The following NALF1 variants were observed in gnomAD, a reference collection of about 807,000 sequenced individuals.
NALF1 encodes the protein NALCN channel auxiliary factor 1, also known as family with sequence similarity 155 member A.
A neutral mutation model predicts 48.4 loss-of-function variants in NALF1; 3 were observed. The ratio of observed to expected loss-of-function variants is 0.06; its 90% confidence interval spans 0.03 to 0.16. The LOEUF is 0.16. Ranked by LOEUF, NALF1 falls within the 10% of genes least tolerant of loss-of-function variation. NALF1 has a pLI of 1.00. For missense variants in NALF1, 526 were observed against 571.5 expected (o/e 0.92, Z 0.81); for synonymous variants, 262 against 245.7 (o/e 1.07, Z -0.62).
chr13:107,793,626 A>G (rs561671331), intron 1 of NALF1, among the ~76,000 whole-genome samples: 1 of 152,284 alleles, frequency 6.6e-6, no homozygotes, highest in South Asian at 2.1e-4. Context: ...TTTAATATTA[A>G]TATTTCTTTT....
At position 107,549,478 on chromosome 13, in the gene NALF1, A is replaced by T. The variant is rs112729166; in HGVS notation, c.915+316204T>A. The stretch of plus-strand genomic sequence containing the variant: ...AATTCAGCTCTGAGAACTACATACA[A>T]ATTTCAGTCTTTAATTTTGAAGACA... On this transcript the variant is annotated intron_variant, in intron 1 of 2. Transcript: ENST00000375915. 2.6e-3 allele frequency among the ~76,000 whole-genome samples: 394 copies of T among 152,280 alleles called. 3 individuals carry two copies. The highest frequency in any genetic ancestry group is 3.5e-3 in the Admixed American group (54 of 15,284).
intron 1 of NALF1, among the ~76,000 whole-genome samples, chr13:107,519,000 G>T (rs1457101481): frequency 6.6e-6 from 1 of 152,160 alleles, no homozygotes; most frequent in African/African-American, 2.4e-5. Context: ...ACAGGGAAAT[G>T]GCGCAACACT....
At chr13:107,301,092 T>C (rs1165665319) in intron 1 of NALF1, among the ~76,000 whole-genome samples, 1 of 152,202 alleles carries the variant, frequency 6.6e-6, no homozygotes, top group Admixed American at 6.5e-5. Flanking sequence ...TATGTTGTAT[T>C]GTAAATTATG....
chr13:107,793,676 A>G (rs1332866879), intron 1 of NALF1, among the ~76,000 whole-genome samples: 2 of 152,170 alleles, frequency 1.3e-5, no homozygotes, highest in Non-Finnish European at 2.9e-5. Context: ...AACATGTCAT[A>G]AGTTTGAGTC....
At chr13:107,756,774 C>T (rs939343974) in intron 1 of NALF1, among the ~76,000 whole-genome samples, 8 of 152,040 alleles carry the variant, frequency 5.3e-5, no homozygotes, top group African/African-American at 1.4e-4. Flanking sequence ...AATTAACCCT[C>T]GGAACCAGGA....
intron 1 of NALF1, among the ~76,000 whole-genome samples, chr13:107,262,641 G>C (rs1880951300): frequency 6.6e-6 from 1 of 152,092 alleles, no homozygotes; most frequent in Non-Finnish European, 1.5e-5. Flanking sequence ...CTTATGATAA[G>C]AATAAGCACT....
chr13:107,171,517 C>T (rs77141053), intron 2 of NALF1, among the ~76,000 whole-genome samples: 2,451 of 152,250 alleles, frequency 0.016, 52 homozygotes, highest in African/African-American at 0.055. Context: ...TGTCTCTCTC[C>T]GCTTCTCTTG....
At chr13:107,540,021 G>A (rs1374006381) in intron 1 of NALF1, among the ~76,000 whole-genome samples, 4 of 145,098 alleles carry the variant, frequency 2.8e-5, no homozygotes, top group African/African-American at 1.0e-4. Context: ...AGAGGAAAAC[G>A]ACAATAGATA....
At chr13:107,309,108 C>A (rs1881996148) in intron 1 of NALF1, among the ~76,000 whole-genome samples, 1 of 152,170 alleles carries the variant, frequency 6.6e-6, no homozygotes, top group African/African-American at 2.4e-5. Flanking sequence ...ATGAAGCAGG[C>A]AGCTCATTAA....
At chr13:107,591,102 T>A (rs1295222782) in intron 1 of NALF1, among the ~76,000 whole-genome samples, 1 of 151,966 alleles carries the variant, frequency 6.6e-6, no homozygotes, top group African/African-American at 2.4e-5. Flanking sequence ...AAATGCCTAA[T>A]GGAAGTAATA....
At chr13:107,224,027 T>C (rs1880049077) in intron 1 of NALF1, among the ~76,000 whole-genome samples, 1 of 152,210 alleles carries the variant, frequency 6.6e-6, no homozygotes, top group Non-Finnish European at 1.5e-5. Flanking sequence ...GATTAATTAA[T>C]TAATTATTGA....
chr13:107,637,999 G>A (rs1374789192), intron 1 of NALF1, among the ~76,000 whole-genome samples: 1 of 151,540 alleles, frequency 6.6e-6, no homozygotes, highest in Non-Finnish European at 1.5e-5. Context: ...AACAGATTTG[G>A]TTTTAACAAC....
intron 1 of NALF1, among the ~76,000 whole-genome samples, chr13:107,675,175 A>G (rs748509600): frequency 1.7e-4 from 26 of 152,210 alleles, no homozygotes; most frequent in Non-Finnish European, 1.5e-4. Flanking sequence ...AAGGAAACTG[A>G]CATTCTGTGT....
At chr13:107,734,022 AG>A (rs1177924041) in intron 1 of NALF1, among the ~76,000 whole-genome samples, 2 of 152,176 alleles carry the variant, frequency 1.3e-5, no homozygotes, top group Admixed American at 1.3e-4. Context: ...TGAATATGTT[AG>A]GCAACGGCAA....
At position 107,190,597 on chromosome 13, in the gene NALF1, C is replaced by T. The variant is rs149170918; in HGVS notation, c.1088-19811G>A. Among the ~76,000 whole-genome samples, 9 of 152,292 alleles carry T rather than the reference C, an allele frequency of 5.9e-5. No homozygotes were observed. The East Asian group carries it at 1.7e-3, about 29-fold the overall frequency. On this transcript the variant is annotated intron_variant, in intron 2 of 2. Coordinates refer to ENST00000375915, the MANE Select transcript of NALF1 (RefSeq NM_001080396.3). ...TGCTAAAACTTAAATGAGTAATCCT[C>T]TGGCTCTGAAGAAACACAATGATAT... is the stretch of plus-strand genomic sequence containing the variant.
At chr13:107,546,133 T>G (rs569491251) in intron 1 of NALF1, among the ~76,000 whole-genome samples, 1 of 152,210 alleles carries the variant, frequency 6.6e-6, no homozygotes, top group Non-Finnish European at 1.5e-5. Flanking sequence ...CCGATAAACC[T>G]GCCAACACCC....
In NALF1 at chr13:107,236,723, AT is replaced by A. The variant is rs1566460160; in HGVS notation, c.916-25969del. On this transcript the variant is annotated intron_variant, in intron 1 of 2. Coordinates refer to ENST00000375915, the MANE Select transcript of NALF1 (RefSeq NM_001080396.3). ...TATCTATCTATCTATCTATCTATCT[AT>A]CTATCTATCTATCATCTACAGTCAT... Among the ~76,000 whole-genome samples the A allele has an allele frequency of 1.5e-3, 221 of 143,528 alleles. 2 individuals are homozygous for A. Among genetic ancestry groups the A allele is most frequent in the African/African-American group, 5.6e-3 (211 of 37,908 alleles). 94.2% of individuals were successfully genotyped at this position (143,528 alleles called of 152,430 possible).
chr13:107,501,785 G>T (rs1390353135), intron 1 of NALF1, among the ~76,000 whole-genome samples: 2 of 152,142 alleles, frequency 1.3e-5, no homozygotes, highest in African/African-American at 4.8e-5. Flanking sequence ...ATTTTAATGT[G>T]AATATGTCTT....
intron 1 of NALF1, among the ~76,000 whole-genome samples, chr13:107,847,673 G>C (rs1039580837): frequency 6.6e-6 from 1 of 152,138 alleles, no homozygotes; most frequent in African/African-American, 2.4e-5. Flanking sequence ...TCAACAGCTC[G>C]CAGGGAGCAG....
Sources: gnomAD v4.1 joint callset for allele counts (sites outside exome capture counted in the v4.1 genomes callset) on GRCh38, gnomAD v4.1.1 for gene constraint, MANE v1.5 for transcripts, NCBI Gene and HGNC (gene_info 2026-07-23, HGNC 2026-07-21) for gene names.